The following PLAGL1 variants were observed in gnomAD, a reference collection of about 807,000 sequenced individuals.
The protein encoded by PLAGL1 is zinc finger protein PLAGL1.
PLAGL1 carries 1 observed loss-of-function variant against 4.6 expected under a neutral mutation model. The ratio of observed to expected loss-of-function variants is 0.22; its 90% CI spans 0.08 to 1.03. The LOEUF (loss-of-function observed/expected upper bound fraction) is 1.03, where lower values mean the gene tolerates loss of function less well. PLAGL1 is among the 50% of genes least tolerant of loss of function. PLAGL1 has a pLI of 0.58. For missense variants in PLAGL1, 464 were observed against 570.4 expected (o/e 0.81, Z 1.90); for synonymous variants, 240 against 237.8 (o/e 1.01, Z -0.08).
In PLAGL1 at chr6:143,990,234, C is replaced by T. The variant is rs372287143; in HGVS notation, c.-583-5060G>A. On this transcript the variant is annotated intron_variant, in intron 1 of 7. Transcript: ENST00000674357. The surrounding 1 kb of genome is among the most constrained non-coding windows in gnomAD (Gnocchi z 5.4). The stretch of plus-strand genomic sequence containing the variant: ...CTACCGGGTTCAAGCGATTATCTTG[C>T]TTCAGCTTCCCAAGTAGCTGGGATT... Among the ~76,000 whole-genome samples, 10 of 152,118 alleles carry T rather than the reference C, an allele frequency of 6.6e-5. No individual in the cohort carries two copies. The South Asian group carries it at 2.1e-3, about 32-fold the overall frequency.
Position 144,056,135 on chromosome 6 carries a change from C to A in PLAGL1, c.-151+8333G>T, listed in dbSNP as rs1007081087. On this transcript the variant is annotated intron_variant, in intron 1 of 3. Coordinates refer to the PLAGL1 transcript ENST00000437412. This position sits in a 1 kb window ranked among gnomAD's most constrained non-coding sequence, Gnocchi z 4.7. Reference sequence around the variant, plus strand: ...ACCTCCAAGGGATCAGTTTGAGAACCGCTGCTTTATATCTTTTAACACATT... The same window carrying A: ...ACCTCCAAGGGATCAGTTTGAGAACAGCTGCTTTATATCTTTTAACACATT... Among the ~76,000 whole-genome samples, 1 of 151,546 alleles carries A rather than the reference C, an allele frequency of 6.6e-6. No individual in the cohort carries two copies. Among genetic ancestry groups the A allele is most frequent in the Non-Finnish European group, 1.5e-5 (1 of 67,940 alleles).
Position 143,973,678 on chromosome 6 carries a change from C to T in PLAGL1, c.-543-4700G>A, listed in dbSNP as rs1356541484. Among the ~76,000 whole-genome samples, 2 of 152,196 alleles carry T rather than the reference C, an allele frequency of 1.3e-5. No individual in the cohort carries two copies. The highest frequency in any genetic ancestry group is 6.5e-5 in the Admixed American group (1 of 15,290). On this transcript the variant is annotated intron_variant, in intron 2 of 7. Coordinates refer to ENST00000674357, the MANE Select transcript of PLAGL1 (RefSeq NM_001317162.2). The surrounding 1 kb of genome is among the most constrained non-coding windows in gnomAD (Gnocchi z 6.2). ...AAACTTTATTCTCAATCGAATGGTT[C>T]GTTCTAATAGCCAGAGGAAGATGGC...
At position 144,061,009 on chromosome 6, in the gene PLAGL1, C is replaced by T. The variant is rs1799349053; in HGVS notation, c.-151+3459G>A. On this transcript the variant is annotated intron_variant, in intron 1 of 3. Transcript: ENST00000437412. The surrounding 1 kb of genome is among the most constrained non-coding windows in gnomAD (Gnocchi z 4.4). ...TCCTTATAGCTTTTCCACCATTTCT[C>T]TCCCCTGCCCCCAAAAGGAGACCTC... is the stretch of plus-strand genomic sequence containing the variant. Among the ~76,000 whole-genome samples, 1 of 152,190 alleles carries T rather than the reference C, an allele frequency of 6.6e-6. No homozygotes were observed. The highest frequency in any genetic ancestry group is 2.1e-4 in the South Asian group (1 of 4,832).
At position 144,017,821 on chromosome 6, in the gene PLAGL1, T is replaced by C. The variant is rs564140163; in HGVS notation, c.-151+46647A>G. Among the ~76,000 whole-genome samples the C allele has an allele frequency of 1.2e-4, 19 of 152,318 alleles. No individual in the cohort carries two copies. The South Asian group carries it at 3.9e-3, about 32-fold the overall frequency. On this transcript the variant is annotated intron_variant, in intron 1 of 3. Coordinates refer to the PLAGL1 transcript ENST00000437412. ...ACTCCAAAATTCCCACCTCTGATCATAACTTCCTGCTCTTCCTGGTTTCTC... is the reference window on the plus strand; with the variant it reads ...ACTCCAAAATTCCCACCTCTGATCACAACTTCCTGCTCTTCCTGGTTTCTC...
chr6:144,049,491 C>A (rs1425167669), intron 1 of PLAGL1, among the ~76,000 whole-genome samples: 2 of 152,298 alleles, frequency 1.3e-5, no homozygotes, highest in East Asian at 3.9e-4. Flanking sequence ...GCTAGGGAGG[C>A]ATCAGGAAAC....
At position 143,942,394 on chromosome 6, in the gene PLAGL1, G is replaced by T; in HGVS notation, c.422C>A (p.Ala141Asp). ...GCTAGGGGGCTTCTCTTCCGCATGG[G>T]CTTTGAGGTGGTCCAGTAGCACCTC... Reference protein sequence around the residue: ...STEVLLDHLKAHAEEKPPSGT... With the variant: ...STEVLLDHLKDHAEEKPPSGT... The change falls in exon 8 of 8, where the codon GCC becomes GAC. Residue 141 changes from alanine to aspartate, a missense_variant. Ala to Asp is a moderately radical substitution (Grantham distance 126). This residue lies in a region of PLAGL1 where 161 missense variants were observed against 196.7 expected (regional missense o/e 0.82). Coordinates refer to ENST00000674357, the MANE Select transcript of PLAGL1 (RefSeq NM_001317162.2). This position sits in a 1 kb window ranked among gnomAD's most constrained non-coding sequence, Gnocchi z 7.6. The T allele has an allele frequency of 1.9e-6, 3 of 1,614,136 alleles. No homozygotes were observed. Among genetic ancestry groups the T allele is most frequent in the Non-Finnish European group, 2.5e-6 (3 of 1,180,030 alleles).
At chr6:144,028,454 A>G (rs1289577550) in intron 1 of PLAGL1, among the ~76,000 whole-genome samples, 1 of 152,192 alleles carries the variant, frequency 6.6e-6, no homozygotes, top group Non-Finnish European at 1.5e-5. Context: ...TGTGATGAAG[A>G]TGTGGTGGGA....
At chr6:144,041,761 ACT>A in intron 1 of PLAGL1, among the ~76,000 whole-genome samples, 1 of 152,200 alleles carries the variant, frequency 6.6e-6, no homozygotes, top group East Asian at 1.9e-4. Context: ...GAATTGCCAC[ACT>A]GTCTTCCACA....
rs1409036455 is a variant in PLAGL1, at chr6:144,022,188, C to G, written c.-151+42280G>C. On this transcript the variant is annotated intron_variant, in intron 1 of 3. Transcript: ENST00000437412. This position sits in a 1 kb window ranked among gnomAD's most constrained non-coding sequence, Gnocchi z 4.2. ...TTAAATATACAAAGAACACTTAAAACTAACCAATAAAAACAATCAACCTAA... is the reference window on the plus strand; with the variant it reads ...TTAAATATACAAAGAACACTTAAAAGTAACCAATAAAAACAATCAACCTAA... 6.6e-6 allele frequency among the ~76,000 whole-genome samples: 1 copy of G among 152,136 alleles called. No individual in the cohort carries two copies. The highest frequency in any genetic ancestry group is 1.5e-5 in the Non-Finnish European group (1 of 68,024).
intron 2 of PLAGL1, among the ~76,000 whole-genome samples, chr6:143,981,173 T>C (rs1005974192): frequency 1.4e-5 from 2 of 147,374 alleles, no homozygotes; most frequent in African/African-American, 5.0e-5. Flanking sequence ...GGGCTAATTT[T>C]GCCTCATCGC....
At chr6:144,033,597 C>T (rs1796995234) in intron 1 of PLAGL1, among the ~76,000 whole-genome samples, 1 of 152,128 alleles carries the variant, frequency 6.6e-6, no homozygotes, top group Non-Finnish European at 1.5e-5. Flanking sequence ...TTGTTATATA[C>T]TAGTAGAAAG....
intron 1 of PLAGL1, among the ~76,000 whole-genome samples, chr6:143,992,137 T>C (rs528769885): frequency 2.6e-5 from 4 of 152,326 alleles, no homozygotes; most frequent in African/African-American, 9.6e-5. Flanking sequence ...GGTAAAAGTG[T>C]TTCTATTTAT....
Position 143,957,461 on chromosome 6 carries a change from T to G in PLAGL1, c.-325+3008A>C, listed in dbSNP as rs1419946341. 6.6e-6 allele frequency among the ~76,000 whole-genome samples: 1 copy of G among 152,244 alleles called. No individual in the cohort carries two copies. Among genetic ancestry groups the G allele is most frequent in the African/African-American group, 2.4e-5 (1 of 41,474 alleles). On this transcript the variant is annotated intron_variant, in intron 6 of 7. Transcript: ENST00000674357. This position sits in a 1 kb window ranked among gnomAD's most constrained non-coding sequence, Gnocchi z 4.2. ...TCCCTAGAAACCCTTGAGTCTCGCC[T>G]TTAGGCCCTTTTAGGGTCTGCTTCT...
intron 1 of PLAGL1, among the ~76,000 whole-genome samples, chr6:144,023,805 C>G (rs1199759900): frequency 1.2e-5 from 1 of 84,876 alleles, no homozygotes; most frequent in Non-Finnish European, 2.1e-5. Context: ...GAGACAGAGT[C>G]TTGTTCTGTT....
intron 1 of PLAGL1, among the ~76,000 whole-genome samples, chr6:144,001,934 G>A (rs1406438975): frequency 6.6e-6 from 1 of 152,116 alleles, no homozygotes; most frequent in Non-Finnish European, 1.5e-5. Context: ...ACAGATTGGA[G>A]TAAACGAGGG....
intron 1 of PLAGL1, chr6:144,037,774 A>G (rs1367699273): frequency 1.3e-5 from 2 of 152,192 alleles, no homozygotes; most frequent in African/African-American, 4.8e-5. Flanking sequence ...TTCACAAAAA[A>G]ACCCAAACCC....
In PLAGL1 at chr6:144,036,538, A is replaced by C. The variant is rs114434920; in HGVS notation, c.-151+27930T>G. 4.3e-3 allele frequency: 737 copies of C among 171,644 alleles called. 6 individuals are homozygous for C. Among genetic ancestry groups the C allele is most frequent in the African/African-American group, 0.017 (702 of 41,578 alleles). The allele number at this position is 171,644 out of a possible 1,614,324, so 10.6% of individuals were successfully genotyped here. ...AGGACAATTACTGCCGCGTGACAGGACTCCAGTCCTGGGGCTGCTACCGGG... is the reference window on the plus strand; with the variant it reads ...AGGACAATTACTGCCGCGTGACAGGCCTCCAGTCCTGGGGCTGCTACCGGG... On this transcript the variant is annotated intron_variant, in intron 1 of 3. Coordinates refer to the PLAGL1 transcript ENST00000437412. This position sits in a 1 kb window ranked among gnomAD's most constrained non-coding sequence, Gnocchi z 5.1.
In PLAGL1 at chr6:143,962,262, C is replaced by T. The variant is rs1453883423; in HGVS notation, c.-398-1720G>A. Reference sequence around the variant, plus strand: ...GGAAAAATAACACATCTCAGTTTGACAGGATGCTACTTGCAGATTGCTTTT... The same window carrying T: ...GGAAAAATAACACATCTCAGTTTGATAGGATGCTACTTGCAGATTGCTTTT... On this transcript the variant is annotated intron_variant, in intron 5 of 7. Transcript: ENST00000674357. The surrounding 1 kb of genome is among the most constrained non-coding windows in gnomAD (Gnocchi z 5.3). Among the ~76,000 whole-genome samples the T allele has an allele frequency of 6.6e-6, 1 of 152,166 alleles. No individual in the cohort carries two copies. Among genetic ancestry groups the T allele is most frequent in the Non-Finnish European group, 1.5e-5 (1 of 68,036 alleles).
chr6:144,024,002 C>T (rs773548316), intron 1 of PLAGL1, among the ~76,000 whole-genome samples: 3 of 152,018 alleles, frequency 2.0e-5, no homozygotes, highest in Middle Eastern at 3.4e-3. Context: ...GTCTTGAACC[C>T]CTGGCCTCAA....
Sources: gnomAD v4.1 joint callset for allele counts (sites outside exome capture counted in the v4.1 genomes callset) on GRCh38, gnomAD v4.1.1 for gene constraint, gnomAD v4.1.1 regional missense constraint, Gnocchi (gnomAD v3.1) non-coding constraint, MANE v1.5 for transcripts, NCBI Gene and HGNC (gene_info 2026-07-23, HGNC 2026-07-21) for gene names.